Variants in PAK5 observed in about 807,000 individuals in gnomAD.
PAK5 encodes the protein serine/threonine-protein kinase PAK 5.
A neutral mutation model predicts 65.9 loss-of-function variants in PAK5; 16 were observed. The ratio of observed to expected loss-of-function variants is 0.24; its 90% CI spans 0.16 to 0.37. The LOEUF is 0.37. Ranked by LOEUF, PAK5 falls within the 10% of genes least tolerant of loss-of-function variation. The pLI, the probability that PAK5 is intolerant of heterozygous loss-of-function variation, is 1.00. For synonymous variants in PAK5, 371 were observed against 354.9 expected (o/e 1.05, Z -0.51); for missense variants, 785 against 903.9 (o/e 0.87, Z 1.69).
chr20:9,658,880 C>G (rs1015984654), intron 2 of PAK5, among the ~76,000 whole-genome samples: 3 of 151,998 alleles, frequency 2.0e-5, no homozygotes, highest in Non-Finnish European at 2.9e-5. Flanking sequence ...AAGAATAAAC[C>G]CTAATTCTGG....
intron 3 of PAK5, among the ~76,000 whole-genome samples, chr20:9,618,885 C>T (rs1270089484): frequency 8.3e-6 from 1 of 120,730 alleles, no homozygotes; most frequent in East Asian, 2.7e-4. Flanking sequence ...AAAGTGGCTT[C>T]TCTCAGATTC....
At chr20:9,576,798 T>C (rs1456412811) in intron 4 of PAK5, among the ~76,000 whole-genome samples, 1 of 152,178 alleles carries the variant, frequency 6.6e-6, no homozygotes, top group East Asian at 1.9e-4. Context: ...TAAAACCCAT[T>C]TCCTCATCTG....
chr20:9,677,045 ATGTGTG>A (rs4053117), intron 2 of PAK5, among the ~76,000 whole-genome samples: 57,160 of 140,808 alleles, frequency 0.41, 11,362 homozygotes, highest in African/African-American at 0.54. Context: ...GGGTATGTGC[ATGTGTG>A]TGTGTGTGTG....
chr20:9,571,061 TAC>T (rs1345190893), intron 4 of PAK5, among the ~76,000 whole-genome samples: 1 of 152,178 alleles, frequency 6.6e-6, no homozygotes, highest in East Asian at 1.9e-4. Flanking sequence ...TGGTAAGAGG[TAC>T]AGACTCTTAA....
chr20:9,812,887 T>C (rs938436865), intron 1 of PAK5, among the ~76,000 whole-genome samples: 2 of 152,138 alleles, frequency 1.3e-5, no homozygotes, highest in Non-Finnish European at 1.5e-5. Flanking sequence ...GATTTGATAT[T>C]ACACATTGTA....
At chr20:9,713,658 T>G (rs2048106220) in intron 1 of PAK5, among the ~76,000 whole-genome samples, 1 of 152,120 alleles carries the variant, frequency 6.6e-6, no homozygotes, top group Non-Finnish European at 1.5e-5. Flanking sequence ...GTGGTATATG[T>G]ATACAATCAA....
At chr20:9,828,181 A>G (rs975694738) in intron 1 of PAK5, among the ~76,000 whole-genome samples, 2 of 152,204 alleles carry the variant, frequency 1.3e-5, no homozygotes, top group African/African-American at 4.8e-5. Context: ...GGAGAAGAGT[A>G]GACTCTACTT....
intron 2 of PAK5, among the ~76,000 whole-genome samples, chr20:9,692,477 T>C (rs1362680240): frequency 6.6e-6 from 1 of 152,212 alleles, no homozygotes; most frequent in Admixed American, 6.5e-5. Context: ...AGTTAGGTTA[T>C]GTTTTATTCC....
chr20:9,661,220 A>G (rs1450189229), intron 2 of PAK5, among the ~76,000 whole-genome samples: 1 of 152,182 alleles, frequency 6.6e-6, no homozygotes, highest in East Asian at 1.9e-4. Flanking sequence ...TATGGTTTCC[A>G]GGTATATTCA....
rs115301029 is a variant in PAK5 at position 9,687,667 on chromosome 20, A to C, written c.-12+23619T>G. On this transcript the variant is annotated intron_variant, in intron 2 of 9. Coordinates refer to ENST00000353224, the MANE Select transcript of PAK5 (RefSeq NM_177990.4). ...CACATCATGGCTTCAGATACGGCCA[A>C]ACACTTTTTTTTGAGGCACTAGGGT... 8.6e-4 allele frequency among the ~76,000 whole-genome samples: 131 copies of C among 152,200 alleles called. 1 individual carries two copies. Among genetic ancestry groups the C allele is most frequent in the African/African-American group, 3.1e-3 (129 of 41,496 alleles).
chr20:9,548,927 T>C (rs1214056801), intron 7 of PAK5, among the ~76,000 whole-genome samples: 2 of 152,204 alleles, frequency 1.3e-5, no homozygotes, highest in African/African-American at 4.8e-5. Flanking sequence ...AGGGATTAGA[T>C]TATTCCCAAA....
intron 2 of PAK5, among the ~76,000 whole-genome samples, chr20:9,710,782 C>A (rs777178052): frequency 2.0e-5 from 3 of 152,206 alleles, no homozygotes; most frequent in Non-Finnish European, 2.9e-5. Context: ...ATCTAAACAG[C>A]TCTCCAGCTT....
intron 1 of PAK5, among the ~76,000 whole-genome samples, chr20:9,749,295 A>G (rs1209723057): frequency 6.6e-6 from 1 of 152,176 alleles, no homozygotes; most frequent in Admixed American, 6.6e-5. Flanking sequence ...AGATAAAAAT[A>G]TAACCTTCAA....
chr20:9,788,627 CT>C (rs1400230450), intron 1 of PAK5, among the ~76,000 whole-genome samples: 2 of 152,070 alleles, frequency 1.3e-5, no homozygotes, highest in Non-Finnish European at 2.9e-5. Context: ...AGTGCCTTGT[CT>C]TTTTGTATTT....
intron 6 of PAK5, among the ~76,000 whole-genome samples, chr20:9,558,035 T>TTC (rs1568961842): frequency 2.4e-5 from 3 of 125,416 alleles, no homozygotes; most frequent in African/African-American, 1.4e-4. Context: ...TTTATTTATT[T>TTC]ATTTATTTAT....
intron 3 of PAK5, among the ~76,000 whole-genome samples, chr20:9,588,023 T>C (rs1216856920): frequency 6.6e-6 from 1 of 152,216 alleles, no homozygotes; most frequent in East Asian, 1.9e-4. Flanking sequence ...GTTCATTTTC[T>C]CATTCCCTTT....
rs574824188 is a variant in PAK5 at position 9,698,342 on chromosome 20, C to T, written c.-12+12944G>A. On this transcript the variant is annotated intron_variant, in intron 2 of 9. Transcript: ENST00000353224. ...GGAAAAACAACTCCATGGAGTTATA[C>T]TCTTTGGCCAGCCAGAAAGAGAGGA... Among the ~76,000 whole-genome samples the T allele has an allele frequency of 1.9e-4, 29 of 152,258 alleles. No homozygotes were observed. The South Asian group carries it at 4.8e-3, about 25-fold the overall frequency.
chr20:9,574,308 T>A (rs955212493), intron 4 of PAK5, among the ~76,000 whole-genome samples: 3 of 152,148 alleles, frequency 2.0e-5, no homozygotes, highest in African/African-American at 7.2e-5. Context: ...AAATCTGAGA[T>A]GTGCAGGGTC....
intron 3 of PAK5, among the ~76,000 whole-genome samples, chr20:9,613,946 C>A (rs1555904240): frequency 6.6e-6 from 1 of 152,136 alleles, no homozygotes; most frequent in Non-Finnish European, 1.5e-5. Context: ...TGGCTATCAA[C>A]AAACAATCAC....
Sources: gnomAD v4.1 joint callset for allele counts (sites outside exome capture counted in the v4.1 genomes callset) on GRCh38, gnomAD v4.1.1 for gene constraint, MANE v1.5 for transcripts, NCBI Gene and HGNC (gene_info 2026-07-23, HGNC 2026-07-21) for gene names.